The following RALGPS2 variants were observed in gnomAD, a reference collection of about 807,000 sequenced individuals.
RALGPS2 encodes the protein Ral GEF with PH domain and SH3 binding motif 2.
A neutral mutation model predicts 86.8 loss-of-function variants in RALGPS2; 43 were observed. The observed-to-expected ratio is 0.50, with a 90% CI of 0.39 to 0.64. The LOEUF (loss-of-function observed/expected upper bound fraction) is 0.64. Ranked by LOEUF, RALGPS2 falls within the 30% of genes least tolerant of loss-of-function variation. The pLI is 0.00. For synonymous variants in RALGPS2, 243 were observed against 231.3 expected (o/e 1.05, Z -0.46); for missense variants, 536 against 694.6 (o/e 0.77, Z 2.57).
At chr1:178,750,266 G>A (rs1414866124) in intron 1 of RALGPS2, among the ~76,000 whole-genome samples, 2 of 152,208 alleles carry the variant, frequency 1.3e-5, no homozygotes, top group African/African-American at 4.8e-5. Flanking sequence ...ATTCAGTTCT[G>A]CTTTTGGAGT....
chr1:178,884,623 T>C (rs1482730175), intron 11 of RALGPS2, among the ~76,000 whole-genome samples: 2 of 152,204 alleles, frequency 1.3e-5, no homozygotes, highest in African/African-American at 4.8e-5. Flanking sequence ...TTTATTCCCA[T>C]AAGCCTGAAC....
At chr1:178,777,579 C>T (rs1390955333) in intron 2 of RALGPS2, among the ~76,000 whole-genome samples, 2 of 150,962 alleles carry the variant, frequency 1.3e-5, no homozygotes, top group African/African-American at 2.4e-5. Flanking sequence ...GAGCCTGCAT[C>T]GCCAAGGCAA....
chr1:178,870,482 A>T (rs1280708353), intron 8 of RALGPS2, among the ~76,000 whole-genome samples: 1 of 152,222 alleles, frequency 6.6e-6, no homozygotes, highest in Non-Finnish European at 1.5e-5. Flanking sequence ...TCAGAAACCC[A>T]GCATGGCATG....
Position 178,869,854 on chromosome 1 carries a change from G to GT in RALGPS2, c.608-7639dup, listed in dbSNP as rs1243717776. On this transcript the variant is annotated intron_variant, in intron 8 of 19. Coordinates refer to ENST00000367635, the MANE Select transcript of RALGPS2 (RefSeq NM_152663.5). ...GTAACGAGTAATTTTATCTTTAATA[G>GT]TTTTTATAATGCATGTAAAAAAAGC... Among the ~76,000 whole-genome samples the GT allele has an allele frequency of 3.0e-4, 45 of 152,096 alleles. 1 individual carries two copies. The highest frequency in any genetic ancestry group is 2.9e-3 in the South Asian group (14 of 4,818).
chr1:178,827,680 C>T (rs570133658), intron 7 of RALGPS2, among the ~76,000 whole-genome samples: 270 of 152,254 alleles, frequency 1.8e-3, no homozygotes, highest in Non-Finnish European at 2.0e-3. Context: ...CAGGCGTGAG[C>T]CACCGCGCCC....
chr1:178,918,326 C>G lies in RALGPS2; in HGVS notation c.*1967C>G, dbSNP rs1200046867. 1.3e-5 allele frequency: 2 copies of G among 152,102 alleles called. No homozygotes were observed. Among genetic ancestry groups the G allele is most frequent in the African/African-American group, 4.8e-5 (2 of 41,438 alleles). The allele number at this position is 152,102 out of a possible 1,614,324, so 9.4% of individuals were successfully genotyped here. A position where few individuals can be genotyped will look rare whatever the true frequency, so the allele number is the denominator to read the frequency against. On this transcript the variant is annotated 3_prime_UTR_variant, in exon 20 of 20. Transcript: ENST00000367635. ...ATTTCTTAATTTGTTTATTTCTCTT[C>G]AGAAATAGCGTTTTTAACAGTGTAT...
At chr1:178,868,063 A>C (rs556505084) in intron 8 of RALGPS2, among the ~76,000 whole-genome samples, 4 of 152,014 alleles carry the variant, frequency 2.6e-5, no homozygotes, top group African/African-American at 9.7e-5. Context: ...CTGTATTTCT[A>C]TCGAGGCCTT....
chr1:178,879,056 T>C (rs1659117718), intron 10 of RALGPS2, 64 bp downstream of exon 10: 1 of 1,567,328 alleles, frequency 6.4e-7, no homozygotes, highest in African/African-American at 1.4e-5. Flanking sequence ...TCTATCCCTA[T>C]GTATTTAAAC....
At chr1:178,880,305 C>T (rs1659190537) in intron 10 of RALGPS2, among the ~76,000 whole-genome samples, 1 of 152,074 alleles carries the variant, frequency 6.6e-6, no homozygotes, top group African/African-American at 2.4e-5. Flanking sequence ...TATAGAAATT[C>T]TGGAAAACAT....
chr1:178,844,466 A>G (rs998641432), intron 8 of RALGPS2, among the ~76,000 whole-genome samples: 1 of 152,154 alleles, frequency 6.6e-6, no homozygotes, highest in Non-Finnish European at 1.5e-5. Context: ...AGAAGTAGAA[A>G]TGTTTTCTCG....
chr1:178,864,980 A>G (rs749569542), intron 8 of RALGPS2: 3 of 1,463,776 alleles, frequency 2.0e-6, no homozygotes, highest in Non-Finnish European at 2.7e-6. Context: ...TACCGGTGGT[A>G]TCTTGAAAGG....
At chr1:178,749,969 GGCATGGTGGC>G (rs1243288085) in intron 1 of RALGPS2, among the ~76,000 whole-genome samples, 9 of 152,096 alleles carry the variant, frequency 5.9e-5, no homozygotes, top group Non-Finnish European at 4.4e-5. Context: ...AAATTAGCCA[GGCATGGTGGC>G]GCACACCTGT....
chr1:178,879,088 A>G (rs3766637), intron 10 of RALGPS2, 96 bp downstream of exon 10: 112,394 of 1,489,312 alleles, frequency 0.075, 4,350 homozygotes, highest in African/African-American at 0.13. Context: ...ACATGGTATC[A>G]TACAAAGGAC....
chr1:178,856,204 T>TATATATATATATATAG (rs1464610632), intron 8 of RALGPS2, among the ~76,000 whole-genome samples: 4 of 15,836 alleles, frequency 2.5e-4, no homozygotes, highest in African/African-American at 5.8e-4. Context: ...GAGAGAGAGA[T>TATATATATATATATAG]ATATATATAT....
chr1:178,833,051 T>C (rs1416395471), intron 7 of RALGPS2, among the ~76,000 whole-genome samples: 1 of 152,096 alleles, frequency 6.6e-6, no homozygotes, highest in Non-Finnish European at 1.5e-5. Flanking sequence ...AGAATGATGT[T>C]TATCTTTGAG....
rs1160639907 is a variant in RALGPS2 at position 178,919,859 on chromosome 1, C to A, written c.*3500C>A. The A allele has an allele frequency of 6.6e-6, 1 of 151,898 alleles. No homozygotes were observed. Among genetic ancestry groups the A allele is most frequent in the Non-Finnish European group, 1.5e-5 (1 of 67,860 alleles). 9.4% of individuals were successfully genotyped at this position (151,898 alleles called of 1,614,324 possible). A position where few individuals can be genotyped will look rare whatever the true frequency, so the allele number is the denominator to read the frequency against. ...CCAGTGTTGCCTAACAGAAGATAAT[C>A]TTTAATAAAGCAAATCCTCTGCTTC... On this transcript the variant is annotated 3_prime_UTR_variant, in exon 20 of 20. Coordinates refer to ENST00000367635, the MANE Select transcript of RALGPS2 (RefSeq NM_152663.5).
intron 1 of RALGPS2, among the ~76,000 whole-genome samples, chr1:178,751,092 C>A (rs962471263): frequency 6.6e-6 from 1 of 151,762 alleles, no homozygotes; most frequent in African/African-American, 2.4e-5. Flanking sequence ...TGGCTAGAGT[C>A]TTTGTAATTT....
intron 8 of RALGPS2, among the ~76,000 whole-genome samples, chr1:178,845,680 A>AT (rs1274357302): frequency 6.6e-6 from 1 of 151,948 alleles, no homozygotes; most frequent in African/African-American, 2.4e-5. Context: ...CCCACCCCTG[A>AT]TTTTTTTTGT....
At chr1:178,881,544 G>C (rs929484442) in intron 10 of RALGPS2, among the ~76,000 whole-genome samples, 2 of 152,080 alleles carry the variant, frequency 1.3e-5, no homozygotes, top group African/African-American at 4.8e-5. Flanking sequence ...CCGCCGCCTG[G>C]GGTTCAAGCA....
Sources: allele counts gnomAD v4.1 joint callset (sites outside exome capture counted in the v4.1 genomes callset), GRCh38; gene constraint gnomAD v4.1.1; transcripts MANE v1.5; gene names NCBI Gene and HGNC (gene_info 2026-07-23, HGNC 2026-07-21).